Variants in TRPM3 observed in about 807,000 individuals in gnomAD.
The protein encoded by TRPM3 is transient receptor potential cation channel subfamily M member 3, also known as long transient receptor potential channel 3.
TRPM3 carries 77 observed loss-of-function variants against 181.2 expected under a neutral mutation model. That is an observed-to-expected ratio of 0.42 (90% CI 0.35 to 0.51). The LOEUF is 0.51. TRPM3 is among the 20% of genes least tolerant of loss of function. The pLI, the probability that TRPM3 is intolerant of heterozygous loss-of-function variation, is 0.01. For synonymous variants in TRPM3, 745 were observed against 796.4 expected (o/e 0.94, Z 1.09); for missense variants, 1,759 against 2,196.7 (o/e 0.80, Z 3.98).
At chr9:71,074,872 TA>T (rs369455080) in intron 1 of TRPM3, among the ~76,000 whole-genome samples, 153 of 152,152 alleles carry the variant, frequency 1.0e-3, no homozygotes, top group African/African-American at 2.7e-3. Context: ...TAACCCTTTT[TA>T]AGGAGAAAAA....
rs550731030 is a variant in TRPM3 at position 71,282,912 on chromosome 9, C to G, written c.183+163741G>C. ...ATGTCTGTCCCTACCCCTCGGGGCA[C>G]CGCTGGACGACCATTCTTTCTCAGT... is the stretch of plus-strand genomic sequence containing the variant. On this transcript the variant is annotated intron_variant, in intron 1 of 24. Coordinates refer to the TRPM3 transcript ENST00000357533. 2.6e-5 allele frequency among the ~76,000 whole-genome samples: 4 copies of G among 152,212 alleles called. No homozygotes were observed. In the South Asian group the frequency reaches 6.2e-4, roughly 24 times the overall value.
chr9:71,113,989 T>C (rs989410248), intron 1 of TRPM3, among the ~76,000 whole-genome samples: 7 of 152,312 alleles, frequency 4.6e-5, no homozygotes, highest in African/African-American at 1.7e-4. Context: ...CTATCATAGA[T>C]AGTCTTGGAT....
intron 1 of TRPM3, among the ~76,000 whole-genome samples, chr9:70,911,512 C>T (rs1377367564): frequency 6.6e-6 from 1 of 152,176 alleles, no homozygotes; most frequent in African/African-American, 2.4e-5. Context: ...TGCTAATGGA[C>T]TCCAATTAGA....
At chr9:70,970,766 G>C (rs1449274903) in intron 1 of TRPM3, among the ~76,000 whole-genome samples, 1 of 152,132 alleles carries the variant, frequency 6.6e-6, no homozygotes, top group Admixed American at 6.6e-5. Context: ...CTAATAACCA[G>C]CTGGAAAGAA....
At chr9:71,127,577 T>C (rs965825108) in intron 1 of TRPM3, among the ~76,000 whole-genome samples, 3 of 152,202 alleles carry the variant, frequency 2.0e-5, no homozygotes, top group African/African-American at 7.2e-5. Context: ...TTCCACATTG[T>C]AAGAATGGGG....
chr9:71,049,425 T>C (rs959274291), intron 1 of TRPM3, among the ~76,000 whole-genome samples: 1 of 152,192 alleles, frequency 6.6e-6, no homozygotes, highest in Non-Finnish European at 1.5e-5. Flanking sequence ...ATAATATCAA[T>C]ACTCTCCAAA....
chr9:71,251,709 A>G (rs944717125), intron 1 of TRPM3, among the ~76,000 whole-genome samples: 4 of 152,280 alleles, frequency 2.6e-5, no homozygotes, highest in East Asian at 3.9e-4. Context: ...TTTTTGTTAC[A>G]AACAATCCAA....
At chr9:71,407,520 G>C (rs1159590683) in intron 1 of TRPM3, among the ~76,000 whole-genome samples, 2 of 151,936 alleles carry the variant, frequency 1.3e-5, no homozygotes, top group Non-Finnish European at 2.9e-5. Flanking sequence ...CAGTGAGGCT[G>C]GGGGATGGGC....
At chr9:71,329,173 A>G (rs2089938933) in intron 1 of TRPM3, among the ~76,000 whole-genome samples, 1 of 152,230 alleles carries the variant, frequency 6.6e-6, no homozygotes, top group Admixed American at 6.5e-5. Flanking sequence ...TAACAGTAAC[A>G]GTAGCAACAA....
At chr9:71,131,621 G>C (rs1190306218) in intron 1 of TRPM3, among the ~76,000 whole-genome samples, 2 of 152,100 alleles carry the variant, frequency 1.3e-5, no homozygotes, top group African/African-American at 4.8e-5. Flanking sequence ...GGTGACTATT[G>C]CTTGTCTATA....
chr9:71,147,902 G>GA (rs2075515808), intron 1 of TRPM3, among the ~76,000 whole-genome samples: 1 of 152,080 alleles, frequency 6.6e-6, no homozygotes, highest in Non-Finnish European at 1.5e-5. Context: ...TCTTTTTCCA[G>GA]AATCTAGAAA....
chr9:70,801,577 A>G (rs1237881810), intron 6 of TRPM3, among the ~76,000 whole-genome samples: 1 of 152,064 alleles, frequency 6.6e-6, no homozygotes, highest in Admixed American at 6.5e-5. Context: ...TTTCTCTCTT[A>G]TAAATGAATG....
chr9:70,899,332 G>A (rs1168442353), intron 1 of TRPM3, among the ~76,000 whole-genome samples: 2 of 152,118 alleles, frequency 1.3e-5, no homozygotes, highest in Non-Finnish European at 2.9e-5. Flanking sequence ...GGTCTTTCTG[G>A]AAAACCTGAT....
chr9:70,636,602 T>C (rs970548956), intron 11 of TRPM3, among the ~76,000 whole-genome samples: 4 of 152,222 alleles, frequency 2.6e-5, no homozygotes, highest in East Asian at 1.9e-4. Flanking sequence ...AAATTGTCTG[T>C]TGTTAATCTG....
At chr9:71,301,034 C>A (rs948403349) in intron 1 of TRPM3, among the ~76,000 whole-genome samples, 1 of 151,282 alleles carries the variant, frequency 6.6e-6, no homozygotes. Context: ...CATTTCATCA[C>A]CATCAAATGA....
intron 1 of TRPM3, among the ~76,000 whole-genome samples, chr9:71,225,747 C>T (rs1044302328): frequency 1.3e-5 from 2 of 152,000 alleles, no homozygotes; most frequent in Non-Finnish European, 2.9e-5. Context: ...AACCCCGCCT[C>T]CTGGGTTCAA....
chr9:71,426,555 G>C (rs1414292559), intron 1 of TRPM3, among the ~76,000 whole-genome samples: 1 of 152,096 alleles, frequency 6.6e-6, no homozygotes, highest in African/African-American at 2.4e-5. Context: ...GCTGGCTTCG[G>C]GGACATGAGA....
intron 1 of TRPM3, among the ~76,000 whole-genome samples, chr9:71,421,576 C>T (rs938247550): frequency 5.3e-5 from 8 of 151,852 alleles, no homozygotes; most frequent in Non-Finnish European, 1.2e-4. Context: ...ATCTACCTAC[C>T]ATTAGTTTCC....
At chr9:70,897,660 T>C (rs914189916) in intron 1 of TRPM3, among the ~76,000 whole-genome samples, 6 of 152,112 alleles carry the variant, frequency 3.9e-5, no homozygotes, top group African/African-American at 1.4e-4. Flanking sequence ...TCTCTCCAAC[T>C]GGGAGAAGAA....
Sources: gnomAD v4.1 joint callset for allele counts (sites outside exome capture counted in the v4.1 genomes callset) on GRCh38, gnomAD v4.1.1 for gene constraint, MANE v1.5 for transcripts, NCBI Gene and HGNC (gene_info 2026-07-23, HGNC 2026-07-21) for gene names.